Variants in REV3L observed in about 807,000 individuals in gnomAD.
The protein encoded by REV3L is DNA polymerase zeta catalytic subunit.
In REV3L, 69 loss-of-function variants were observed where a neutral mutation model predicts 299.4. The ratio of observed to expected loss-of-function variants is 0.23; its 90% CI spans 0.19 to 0.28. The LOEUF (loss-of-function observed/expected upper bound fraction) is 0.28. REV3L is among the 10% of genes least tolerant of loss of function. The pLI is 1.00. For synonymous variants in REV3L, 1,238 were observed against 1,271.4 expected (o/e 0.97, Z 0.56); for missense variants, 3,128 against 3,693.8 (o/e 0.85, Z 3.97).
At position 111,367,648 on chromosome 6, in the gene REV3L, G is replaced by A. The variant is rs778040829; in HGVS notation, c.6140C>T (p.Pro2047Leu). The A allele has an allele frequency of 4.3e-5, 69 of 1,614,076 alleles. No homozygotes were observed. Among genetic ancestry groups the A allele is most frequent in the Non-Finnish European group, 5.7e-5 (67 of 1,180,042 alleles). The change falls in exon 14 of 32, where the codon CCT (proline) becomes CTT (leucine). Residue 2047 changes from proline to leucine, a missense_variant. Transcript: ENST00000368802. Reference protein sequence around the residue: ...FSSSVNPDDKPVVPPKMDVSP... With the variant: ...FSSSVNPDDKLVVPPKMDVSP... ...TACATCCATTTTTGGAGGCACTACA[G>A]GTTTGTCATCTGGGTTAACTGAAGA...
At chr6:111,361,439 A>C (rs1778664899) in intron 16 of REV3L, 1 of 151,630 alleles carries the variant, frequency 6.6e-6, no homozygotes. Flanking sequence ...AACAAAAAAA[A>C]AAAAGAAAGG....
intron 10 of REV3L, among the ~76,000 whole-genome samples, chr6:111,380,535 A>T (rs565129723): frequency 2.5e-4 from 38 of 152,318 alleles, no homozygotes; most frequent in African/African-American, 9.1e-4. Flanking sequence ...CTGGGATTAC[A>T]GGCGTGAGCC....
chr6:111,333,390 GAA>G (rs1775583322), intron 22 of REV3L, 23 bp from the exon 23 acceptor site: 9 of 1,610,518 alleles, frequency 5.6e-6, no homozygotes, highest in Non-Finnish European at 6.8e-6. Context: ...AGGGAGGTGA[GAA>G]GAGAAGAAAC....
In REV3L at chr6:111,313,569, T is replaced by G; in HGVS notation, c.8467-80A>C. The G allele has an allele frequency of 4.4e-6, 6 of 1,372,906 alleles. No homozygotes were observed. In the East Asian group the frequency reaches 1.5e-4, roughly 33 times the overall value. 85.0% of individuals were successfully genotyped at this position (1,372,906 alleles called of 1,614,324 possible). On this transcript the variant is annotated intron_variant, in intron 27 of 31. Transcript: ENST00000368802. Reference sequence around the variant, plus strand: ...GTTTTATTTTTATGTCTTTGTGCTTTCTTTAATCAAGTATCAATTATTTAA... The same window carrying G: ...GTTTTATTTTTATGTCTTTGTGCTTGCTTTAATCAAGTATCAATTATTTAA...
intron 9 of REV3L, among the ~76,000 whole-genome samples, chr6:111,385,752 G>A (rs1781281634): frequency 6.6e-6 from 1 of 151,944 alleles, no homozygotes. Context: ...TAGAAAATAT[G>A]AAGAACTCCT....
At chr6:111,413,763 T>G (rs1463970981) in intron 2 of REV3L, among the ~76,000 whole-genome samples, 1 of 152,086 alleles carries the variant, frequency 6.6e-6, no homozygotes, top group African/African-American at 2.4e-5. Context: ...TGTTGCCCCA[T>G]GTATCCAGAT....
At chr6:111,482,570 AT>A (rs960255457) in intron 1 of REV3L, among the ~76,000 whole-genome samples, 179 bp downstream of exon 1, 7 of 151,318 alleles carry the variant, frequency 4.6e-5, no homozygotes, top group Non-Finnish European at 1.0e-4. Context: ...GCGGACCCAC[AT>A]TTTTGCGGCT....
intron 25 of REV3L, among the ~76,000 whole-genome samples, chr6:111,324,563 C>T (rs1774528931): frequency 6.6e-6 from 1 of 152,178 alleles, no homozygotes; most frequent in Admixed American, 6.6e-5. Flanking sequence ...TATACTCGAA[C>T]ATATACATAG....
intron 18 of REV3L, among the ~76,000 whole-genome samples, chr6:111,351,995 A>G (rs1777614193): frequency 6.6e-6 from 1 of 151,304 alleles, no homozygotes; most frequent in African/African-American, 2.4e-5. Context: ...ATTTGAAGCT[A>G]CTTTGTTTCT....
At position 111,311,233 on chromosome 6, in the gene REV3L, T is replaced by G. The variant is rs1171041097; in HGVS notation, c.8631A>C (p.Leu2877=). ...TTAGACTTATATCTCTCGTTTCAAA[T>G]AGCAGCTTTAGAGAACGCTCAAGTA... ...SKILERSLKL[L]FETRDISLIK... Residue 2877 remains leucine, a synonymous_variant, in exon 29 of 32, where the codon CTA becomes CTC. Transcript: ENST00000368802. The G allele has an allele frequency of 1.9e-6, 3 of 1,610,268 alleles. No homozygotes were observed. The East Asian group carries it at 6.7e-5, about 36-fold the overall frequency.
intron 1 of REV3L, among the ~76,000 whole-genome samples, chr6:111,429,660 G>A (rs1786627343): frequency 6.6e-6 from 1 of 152,098 alleles, no homozygotes; most frequent in Non-Finnish European, 1.5e-5. Context: ...AATGTGGGGG[G>A]CGGGGTGGGG....
chr6:111,471,968 C>T, intron 1 of REV3L: 9 of 1,097,866 alleles, frequency 8.2e-6, no homozygotes, highest in Non-Finnish European at 9.1e-6. Flanking sequence ...AGGCTCACCC[C>T]CACCCCCCTC....
At chr6:111,342,280 GAA>G in intron 21 of REV3L, among the ~76,000 whole-genome samples, 1 of 152,134 alleles carries the variant, frequency 6.6e-6, no homozygotes, top group East Asian at 1.9e-4. Context: ...GGAGGGTCAG[GAA>G]GCTTACTTGG....
At chr6:111,473,885 T>C (rs979545107) in intron 1 of REV3L, among the ~76,000 whole-genome samples, 5 of 152,066 alleles carry the variant, frequency 3.3e-5, no homozygotes, top group Non-Finnish European at 7.4e-5. Context: ...ACTGGACAAA[T>C]CCCTGAGCCT....
chr6:111,410,223 C>T (rs4320413), intron 3 of REV3L, among the ~76,000 whole-genome samples: 144,898 of 152,268 alleles, frequency 0.95, 69,110 homozygotes, highest in East Asian at 1. Context: ...AATAAATGAA[C>T]AAATAATGAT....
At chr6:111,365,629 G>T (rs1779105539) in intron 14 of REV3L, among the ~76,000 whole-genome samples, 2 of 152,032 alleles carry the variant, frequency 1.3e-5, no homozygotes, top group Admixed American at 1.3e-4. Flanking sequence ...TATTTATCAA[G>T]TATCTATGAT....
intron 25 of REV3L, among the ~76,000 whole-genome samples, chr6:111,328,874 T>C (rs17540048): frequency 8.4e-4 from 128 of 152,224 alleles, no homozygotes; most frequent in African/African-American, 2.9e-3. Context: ...CTAGTGATCC[T>C]CCCATCTCAG....
At chr6:111,315,137 A>C (rs1043406854) in intron 27 of REV3L, 130 bp downstream of exon 27, 4 of 731,570 alleles carry the variant, frequency 5.5e-6, no homozygotes, top group African/African-American at 5.3e-5. Context: ...GACATGAGCC[A>C]GTGACCCAAA....
chr6:111,430,766 C>T, intron 1 of REV3L: 1 of 1,598,996 alleles, frequency 6.3e-7, no homozygotes, highest in East Asian at 2.2e-5. Context: ...AGAGAGAGCG[C>T]AGGAGCAGCT....
Sources: gnomAD v4.1 joint callset for allele counts (sites outside exome capture counted in the v4.1 genomes callset) on GRCh38, gnomAD v4.1.1 for gene constraint, MANE v1.5 for transcripts, NCBI Gene and HGNC (gene_info 2026-07-23, HGNC 2026-07-21) for gene names.